Variants in ARSG observed in about 807,000 individuals in gnomAD.
ARSG encodes the protein ASG.
A neutral mutation model predicts 50.5 loss-of-function variants in ARSG; 37 were observed. The ratio of observed to expected loss-of-function variants is 0.73; its 90% CI spans 0.56 to 0.96. The LOEUF (loss-of-function observed/expected upper bound fraction) is 0.96. Ranked by LOEUF, ARSG falls within the 50% of genes least tolerant of loss-of-function variation. ARSG has a pLI of 0.00. For missense variants in ARSG, 629 were observed against 675.3 expected (o/e 0.93, Z 0.76); for synonymous variants, 225 against 254.6 (o/e 0.88, Z 1.11).
At chr17:68,327,547 G>A (rs2077556056) in intron 2 of ARSG, among the ~76,000 whole-genome samples, 1 of 152,020 alleles carries the variant, frequency 6.6e-6, no homozygotes, top group African/African-American at 2.4e-5. Context: ...TGTCTTCGCA[G>A]CATTCTCTTC....
chr17:68,421,602 G>C (rs1035969011), downstream of ARSG: 6 of 832,564 alleles, frequency 7.2e-6, no homozygotes, highest in South Asian at 7.6e-5. Flanking sequence ...AACCAGGGTC[G>C]TGGGAAGCTT....
At chr17:68,287,953 TTCTC>T (rs150311794), upstream of ARSG, among the ~76,000 whole-genome samples, 1,015 of 146,206 alleles carry the variant, frequency 6.9e-3, 11 homozygotes, top group African/African-American at 0.022. Flanking sequence ...CTCTCTCTCT[TTCTC>T]TCTCTCTCTC....
chr17:68,307,833 TATTA>T, intron 2 of ARSG, 122 bp downstream of exon 2: 1 of 624,550 alleles, frequency 1.6e-6, no homozygotes, highest in Non-Finnish European at 2.8e-6. Flanking sequence ...TTAGTTAATT[TATTA>T]ATTAATTTGG....
chr17:68,437,019 T>TGA, the ARSG span, among the ~76,000 whole-genome samples: 1 of 149,718 alleles, frequency 6.7e-6, no homozygotes, highest in Non-Finnish European at 1.5e-5. Context: ...TATATATATG[T>TGA]GTGTGTGTGT....
intron 11 of ARSG, among the ~76,000 whole-genome samples, chr17:68,419,173 G>C (rs1395016599): frequency 6.6e-5 from 10 of 152,206 alleles, no homozygotes; most frequent in African/African-American, 2.4e-4. Context: ...TGACTCACCT[G>C]CCTTTCTACT....
the ARSG span, among the ~76,000 whole-genome samples, chr17:68,433,868 T>C: frequency 2.1e-5 from 3 of 141,574 alleles, no homozygotes; most frequent in Non-Finnish European, 4.5e-5. Flanking sequence ...CTGCAACCTC[T>C]ACCTCCTGGG....
the ARSG span, chr17:68,433,628 C>T: frequency 1.4e-6 from 2 of 1,421,798 alleles, no homozygotes; most frequent in Non-Finnish European, 2.0e-6. Context: ...GGAGTTATGG[C>T]CTTATAACTC....
intron 1 of ARSG, among the ~76,000 whole-genome samples, chr17:68,282,065 G>T (rs551198333): frequency 6.6e-6 from 1 of 151,986 alleles, no homozygotes; most frequent in Non-Finnish European, 1.5e-5. Context: ...TGTTTATTGC[G>T]GCACTATTCA....
At chr17:68,312,867 G>A (rs934595242) in intron 2 of ARSG, among the ~76,000 whole-genome samples, 5 of 152,142 alleles carry the variant, frequency 3.3e-5, no homozygotes, top group Admixed American at 6.6e-5. Context: ...GGGACTGCAC[G>A]CTCAAGCCAC....
intron 6 of ARSG, among the ~76,000 whole-genome samples, chr17:68,358,311 C>T (rs1423076731): frequency 1.3e-5 from 2 of 152,124 alleles, no homozygotes; most frequent in Non-Finnish European, 2.9e-5. Flanking sequence ...TTTGGGATTA[C>T]ACTGGGTAAT....
At chr17:68,351,505 G>C in intron 4 of ARSG, 70 bp from the exon 5 acceptor site, 2 of 801,906 alleles carry the variant, frequency 2.5e-6, no homozygotes, top group Non-Finnish European at 4.5e-6. Flanking sequence ...CATTTTTGTC[G>C]TGGGTGTACA....
At chr17:68,375,171 G>C (rs2080084106) in intron 8 of ARSG, among the ~76,000 whole-genome samples, 2 of 152,222 alleles carry the variant, frequency 1.3e-5, no homozygotes, top group South Asian at 4.1e-4. Context: ...GCTGATGGGA[G>C]TTTTGCATTT....
intron 2 of ARSG, among the ~76,000 whole-genome samples, chr17:68,324,809 A>G (rs552437004): frequency 1.3e-5 from 2 of 152,300 alleles, no homozygotes; most frequent in African/African-American, 2.4e-5. Context: ...TTGTTACTAT[A>G]AGACAACGCT....
At chr17:68,270,231 T>A (rs1263617616) in intron 1 of ARSG, among the ~76,000 whole-genome samples, 1 of 152,148 alleles carries the variant, frequency 6.6e-6, no homozygotes, top group Non-Finnish European at 1.5e-5. Flanking sequence ...CATGAGTTCT[T>A]GCCTAGCATG....
chr17:68,444,686 T>C, the ARSG span: 6 of 994,234 alleles, frequency 6.0e-6, no homozygotes, highest in Admixed American at 2.7e-5. Context: ...CCTAACTTGA[T>C]TCTAAGCCTA....
intron 8 of ARSG, among the ~76,000 whole-genome samples, chr17:68,377,443 G>C (rs2080206961): frequency 6.6e-6 from 1 of 152,176 alleles, no homozygotes; most frequent in Admixed American, 6.5e-5. Flanking sequence ...ATCGGTGGGA[G>C]GCAGAGAGGG....
At chr17:68,427,484 G>C, downstream of ARSG, 1 of 326,654 alleles carries the variant, frequency 3.1e-6, no homozygotes, top group South Asian at 3.7e-5. Context: ...AGCCTCCCGA[G>C]TAGCTGCGAC....
Position 68,271,358 on chromosome 17 carries a change from C to T in ARSG, c.-552+11932C>T, listed in dbSNP as rs1555748628. ...GGCCTGGGGCTGGTCTTCACCAGGA[C>T]CTGCTGCATGTCGGCCTTCGGCTCC... On this transcript the variant is annotated intron_variant, in intron 1 of 11. Coordinates refer to the ARSG transcript ENST00000448504. This position sits in a 1 kb window ranked among gnomAD's most constrained non-coding sequence, Gnocchi z 5.3. The T allele has an allele frequency of 5.6e-6, 9 of 1,614,212 alleles. No individual in the cohort carries two copies. Among genetic ancestry groups the T allele is most frequent in the Admixed American group, 1.7e-5 (1 of 60,026 alleles).
chr17:68,437,279 G>C, the ARSG span, among the ~76,000 whole-genome samples: 2 of 152,140 alleles, frequency 1.3e-5, no homozygotes, highest in Non-Finnish European at 2.9e-5. Flanking sequence ...TTCAGGCCAG[G>C]CAAGGTGGCC....
Sources: gnomAD v4.1 joint callset for allele counts (sites outside exome capture counted in the v4.1 genomes callset) on GRCh38, gnomAD v4.1.1 for gene constraint, Gnocchi (gnomAD v3.1) non-coding constraint, MANE v1.5 for transcripts, NCBI Gene and HGNC (gene_info 2026-07-23, HGNC 2026-07-21) for gene names.